KRT74: variants seen among roughly 807,000 people sequenced by gnomAD.
KRT74 encodes keratin 74.
In KRT74, 43 loss-of-function variants were observed where a neutral mutation model predicts 42.7. The ratio of observed to expected loss-of-function variants is 1.01; its 90% CI spans 0.79 to 1.30. KRT74 has a LOEUF of 1.30. Ranked by LOEUF, KRT74 falls within the 50% of genes most tolerant of loss-of-function variation. The pLI is 0.00. For missense variants in KRT74, 736 were observed against 689.1 expected (o/e 1.07, Z -0.76); for synonymous variants, 302 against 279.0 (o/e 1.08, Z -0.82).
At chr12:52,573,202 G>T in intron 1 of KRT74, 105 bp downstream of exon 1, 21 of 1,142,500 alleles carry the variant, frequency 1.8e-5, no homozygotes, top group Middle Eastern at 2.7e-4. Context: ...CCCTTCCTGA[G>T]GCCCAGCTGC....
Position 52,572,001 on chromosome 12 carries a change from A to T in KRT74, c.690T>A (p.Tyr230Ter). 6.3e-7 allele frequency: 1 copy of T among 1,589,890 alleles called. No homozygotes were observed. The highest frequency in any genetic ancestry group is 8.6e-7 in the Non-Finnish European group (1 of 1,158,326). The change falls in exon 3 of 9, where the codon TAT becomes TAA. Residue 230 changes from tyrosine to a stop codon, truncating the protein, a stop_gained. Coordinates refer to ENST00000305620, the MANE Select transcript of KRT74 (RefSeq NM_175053.4). LOFTEE classifies it high-confidence loss of function. ...RDLVEDYKKR[Y>*]EVEINRRTTA... The stretch of plus-strand genomic sequence containing the variant: ...TCGTGCGCCGGTTAATCTCCACTTC[A>T]TATCTGCCAGCAGGGAGAGTAGATG...
At position 52,572,527 on chromosome 12, in the gene KRT74, T is replaced by C. The variant is rs889546662; in HGVS notation, c.612A>G (p.Thr204=). 5 of 1,614,096 alleles carry C rather than the reference T, an allele frequency of 3.1e-6. No individual in the cohort carries two copies. The highest frequency in any genetic ancestry group is 1.3e-5 in the African/African-American group (1 of 74,932). The change falls in exon 2 of 9, where the codon ACA becomes ACG. Residue 204 remains threonine, a synonymous_variant. Coordinates refer to ENST00000305620, the MANE Select transcript of KRT74 (RefSeq NM_175053.4). Reference sequence around the variant, plus strand: ...CCAGCCTCACCCTGTCCCCAGACAGTGTCTCCAGCTGCTTCCGCAGGTTGC... The same window carrying C: ...CCAGCCTCACCCTGTCCCCAGACAGCGTCTCCAGCTGCTTCCGCAGGTTGC... ...YISNLRKQLE[T]LSGDRVRLDS...
At chr12:52,572,411 A>T in intron 2 of KRT74, 42 bp downstream of exon 2, 1 of 1,604,962 alleles carries the variant, frequency 6.2e-7, no homozygotes, top group Middle Eastern at 1.7e-4. Flanking sequence ...GCCCAGAGGC[A>T]CGGGAAACAT....
chr12:52,570,810 G>T lies in KRT74; in HGVS notation c.867C>A (p.His289Gln), dbSNP rs371350159. The change falls in exon 5 of 9, where the codon CAC (histidine) becomes CAA (glutamine). Residue 289 changes from histidine to glutamine, a missense_variant. Transcript: ENST00000305620. ...ACAGGATGACAGAGGTCTCACTGGC[G>T]TGAGTCTGGATCTGAGCGATCTCCT... The part of the protein sequence containing the change: ...YDAEIAQIQT[H>Q]ASETSVILSM... 3 of 1,614,244 alleles carry T rather than the reference G, an allele frequency of 1.9e-6. No individual in the cohort carries two copies. The highest frequency in any genetic ancestry group is 1.7e-6 in the Non-Finnish European group (2 of 1,180,034).
chr12:52,572,348 C>T, intron 2 of KRT74, 105 bp downstream of exon 2: 3 of 1,206,248 alleles, frequency 2.5e-6, no homozygotes, highest in Non-Finnish European at 3.7e-6. Context: ...AGCTCCTGAC[C>T]CTGGTGCATA....
chr12:52,571,170 A>G (rs1392956959), intron 4 of KRT74, among the ~76,000 whole-genome samples, 189 bp downstream of exon 4: 1 of 152,262 alleles, frequency 6.6e-6, no homozygotes, highest in Non-Finnish European at 1.5e-5. Context: ...TATCAAGATC[A>G]ATTTCCTCCT....
intron 6 of KRT74, 52 bp from the exon 7 acceptor site, chr12:52,568,441 C>T (rs1233809782): frequency 1.9e-6 from 3 of 1,581,038 alleles, no homozygotes; most frequent in Non-Finnish European, 1.7e-6. Context: ...ACATTTAGCT[C>T]ATACCAGTTA....
In KRT74 at chr12:52,571,371, A is replaced by G; in HGVS notation, c.831T>C (p.Cys277=). 3.7e-6 allele frequency: 6 copies of G among 1,607,918 alleles called. No individual in the cohort carries two copies. The highest frequency in any genetic ancestry group is 5.1e-6 in the Non-Finnish European group (6 of 1,174,408). ...SLDKEIKFLK[C]LYDAEIAQIQ... Reference sequence around the variant, plus strand: ...GGAGTGTCCTTACTGCATCATACAGACACTTGAGGAACTTGATTTCTTTGT... The same window carrying G: ...GGAGTGTCCTTACTGCATCATACAGGCACTTGAGGAACTTGATTTCTTTGT... Residue 277 remains cysteine (C), a synonymous_variant, in exon 4 of 9, where the codon TGT becomes TGC. Transcript: ENST00000305620.
intron 1 of KRT74, 119 bp downstream of exon 1, chr12:52,573,188 G>A (rs1939518472): frequency 1.0e-6 from 1 of 962,526 alleles, no homozygotes; most frequent in East Asian, 2.4e-5. Context: ...TAATGGTGAG[G>A]AAGCCCTTCC....
intron 2 of KRT74, 78 bp from the exon 3 acceptor site, chr12:52,572,082 G>T: frequency 9.3e-7 from 1 of 1,080,868 alleles, no homozygotes; most frequent in Non-Finnish European, 1.4e-6. Flanking sequence ...GCAAATGTTT[G>T]GGATACAGGG....
rs74095144 is a variant in KRT74, at chr12:52,568,882, C to A, written c.1135-493G>T. Among the ~76,000 whole-genome samples the A allele has an allele frequency of 8.1e-3, 1,235 of 152,294 alleles. 19 individuals carry two copies. The highest frequency in any genetic ancestry group is 0.028 in the African/African-American group (1,169 of 41,564). On this transcript the variant is annotated intron_variant, in intron 6 of 8. Transcript: ENST00000305620. ...TGGGGAGAGTCTGTGTGAAGGCTCC[C>A]ACATCTGGCCTTCCCTTAGAGCAGG...
chr12:52,569,886 C>A lies in KRT74; in HGVS notation c.1107G>T (p.Arg369=). The change falls in exon 6 of 9, where the codon CGG becomes CGT. Residue 369 remains arginine (R), a synonymous_variant. Coordinates refer to ENST00000305620, the MANE Select transcript of KRT74 (RefSeq NM_175053.4). ...GCTTCTTCACATTCCCGATCTCACA[C>A]CGGATCCTCTGGATGAGCCGGTTCA... ...VELNRLIQRI[R]CEIGNVKKQR... is the part of the protein sequence containing the mutation. 1.2e-6 allele frequency: 2 copies of A among 1,614,222 alleles called. No homozygotes were observed. The highest frequency in any genetic ancestry group is 8.5e-7 in the Non-Finnish European group (1 of 1,180,040).
At chr12:52,568,497 G>A (rs2120638484) in intron 6 of KRT74, 108 bp from the exon 7 acceptor site, 1 of 1,222,868 alleles carries the variant, frequency 8.2e-7, no homozygotes, top group Non-Finnish European at 1.2e-6. Context: ...TAGGTGACAA[G>A]GAGTAAAAGC....
Position 52,573,375 on chromosome 12 carries a change from T to C in KRT74, c.403A>G (p.Lys135Glu), listed in dbSNP as rs1200896604. 2 of 1,614,188 alleles carry C rather than the reference T, an allele frequency of 1.2e-6. No homozygotes were observed. The highest frequency in any genetic ancestry group is 1.7e-6 in the Non-Finnish European group (2 of 1,180,030). Residue 135 changes from lysine to glutamate, a missense_variant, in exon 1 of 9, where the codon AAG becomes GAG. By Grantham distance (56) the Lys-to-Glu change is moderately conservative. Transcript: ENST00000305620. ...LNVELDPEIQ[K>E]VRAQEREQIK... ...TGTTCCCGCTCCTGGGCGCGCACCTTCTGGATCTCAGGGTCCAGCTCCACG... is the reference window on the plus strand; with the variant it reads ...TGTTCCCGCTCCTGGGCGCGCACCTCCTGGATCTCAGGGTCCAGCTCCACG...
chr12:52,570,041 T>C (rs1939450264), intron 5 of KRT74, 57 bp from the exon 6 acceptor site: 1 of 1,602,394 alleles, frequency 6.2e-7, no homozygotes, highest in Non-Finnish European at 8.5e-7. Flanking sequence ...GGAAGGGTCC[T>C]GTAAATAAGC....
intron 3 of KRT74, 146 bp downstream of exon 3, chr12:52,571,798 C>A: frequency 1.3e-6 from 1 of 759,254 alleles, no homozygotes; most frequent in Non-Finnish European, 2.4e-6. Context: ...TCACTGGAGG[C>A]CAGGACTATG....
chr12:52,572,489 C>T lies in KRT74; in HGVS notation c.650G>A (p.Arg217Lys). 1 of 1,614,188 alleles carries T rather than the reference C, an allele frequency of 6.2e-7. No homozygotes were observed. The highest frequency in any genetic ancestry group is 8.5e-7 in the Non-Finnish European group (1 of 1,180,030). The part of the protein sequence containing the change: ...GDRVRLDSEL[R>K]SMRDLVEDYK... ...GTCCTCCACCAGATCCCTCATGCTT[C>T]TCAGCTCCGAGTCCAGCCTCACCCT... Residue 217 changes from arginine to lysine, a missense_variant, in exon 2 of 9, where the codon AGA becomes AAA. Arg to Lys is a conservative substitution (Grantham distance 26). Coordinates refer to ENST00000305620, the MANE Select transcript of KRT74 (RefSeq NM_175053.4).
At position 52,567,062 on chromosome 12, in the gene KRT74, C is replaced by A; in HGVS notation, c.1497G>T (p.Gln499His). The change falls in exon 9 of 9, where the codon CAG (glutamine) becomes CAT (histidine). Residue 499 changes from glutamine (Q) to histidine (H), a missense_variant. Coordinates refer to ENST00000305620, the MANE Select transcript of KRT74 (RefSeq NM_175053.4). Reference sequence around the variant, plus strand: ...CCCCTCGCGCCTCTGTGGTCTTGGTCTGCCCGCTCTGGGTGCTGCCAGAGC... The same window carrying A: ...CCCCTCGCGCCTCTGTGGTCTTGGTATGCCCGCTCTGGGTGCTGCCAGAGC... Reference protein sequence around the residue: ...AGSSGSTQSGQTKTTEARGGD... With the variant: ...AGSSGSTQSGHTKTTEARGGD... 6.3e-7 allele frequency: 1 copy of A among 1,595,132 alleles called. No individual in the cohort carries two copies. The highest frequency in any genetic ancestry group is 8.6e-7 in the Non-Finnish European group (1 of 1,166,446).
rs1160916607 is a variant in KRT74, at chr12:52,568,397, G to T, written c.1135-8C>A. 2 of 1,613,644 alleles carry T rather than the reference G, an allele frequency of 1.2e-6. No individual in the cohort carries two copies. Among genetic ancestry groups the T allele is most frequent in the South Asian group, 2.2e-5 (2 of 91,048 alleles). ...CGTCTCCAGGCTGGCACGCTGAAGGGCAAAGAACAGAGAGACCATCAGAAC... is the reference window on the plus strand; with the variant it reads ...CGTCTCCAGGCTGGCACGCTGAAGGTCAAAGAACAGAGAGACCATCAGAAC... On this transcript the variant is annotated splice_polypyrimidine_tract_variant and splice_region_variant and intron_variant, in intron 6 of 8. Transcript: ENST00000305620.
Sources: gnomAD v4.1 joint callset for allele counts (sites outside exome capture counted in the v4.1 genomes callset) on GRCh38, gnomAD v4.1.1 for gene constraint, MANE v1.5 for transcripts, NCBI Gene and HGNC (gene_info 2026-07-23, HGNC 2026-07-21) for gene names.